The following ZNF18 variants were observed in gnomAD, a reference collection of about 807,000 sequenced individuals.
ZNF18 encodes the protein zinc finger protein 18.
ZNF18 carries 42 observed loss-of-function variants against 58.1 expected under a neutral mutation model. That is an observed-to-expected ratio of 0.72 (90% CI 0.56 to 0.93). ZNF18 has a LOEUF of 0.93. Among genes scored for constraint, ZNF18 ranks in the 40% least tolerant of loss-of-function variants. The pLI is 0.00. For synonymous variants in ZNF18, 231 were observed against 239.8 expected, an observed-to-expected ratio of 0.96 and a Z score of 0.34; for missense variants, 540 against 644.2, an observed-to-expected ratio of 0.84 and a Z score of 1.75.
chr17:11,992,010 C>A (rs767806082), intron 2 of ZNF18, among the ~76,000 whole-genome samples: 21 of 152,200 alleles, frequency 1.4e-4, no homozygotes, highest in Non-Finnish European at 3.1e-4. Flanking sequence ...CTCTTTCCCC[C>A]ACACCTTGCT....
intron 1 of ZNF18, among the ~76,000 whole-genome samples, 186 bp from the exon 2 acceptor site, chr17:11,993,097 G>C (rs1338137373): frequency 6.6e-6 from 1 of 152,162 alleles, no homozygotes; most frequent in Non-Finnish European, 1.5e-5. Context: ...TACTGATACT[G>C]TATCTAAACA....
chr17:11,993,867 A>C (rs1028580420), intron 1 of ZNF18, among the ~76,000 whole-genome samples: 3 of 150,734 alleles, frequency 2.0e-5, no homozygotes, highest in East Asian at 2.0e-4. Context: ...GAGAAGACTA[A>C]CTACCTTGAA....
chr17:12,010,888 A>G, the ZNF18 span: 2 of 515,142 alleles, frequency 3.9e-6, no homozygotes, highest in Non-Finnish European at 3.5e-6. Context: ...TTTTCTGATA[A>G]TTTTCCTTCA....
At chr17:11,991,294 T>C in intron 2 of ZNF18, 131 bp from the exon 3 acceptor site, 1 of 866,318 alleles carries the variant, frequency 1.2e-6, no homozygotes. Flanking sequence ...AAACCAGCTT[T>C]TATTTCTAGT....
At chr17:11,981,447 G>A (rs1967340547) in intron 6 of ZNF18, among the ~76,000 whole-genome samples, 1 of 149,292 alleles carries the variant, frequency 6.7e-6, no homozygotes, top group African/African-American at 2.5e-5. Flanking sequence ...AGCCTCCCAA[G>A]TAGCTGGGAT....
chr17:12,013,770 T>G, the ZNF18 span, among the ~76,000 whole-genome samples: 16 of 152,244 alleles, frequency 1.1e-4, no homozygotes, highest in South Asian at 4.1e-4. Flanking sequence ...ATTTCCTATG[T>G]GTCTAACAAT....
the ZNF18 span, among the ~76,000 whole-genome samples, chr17:12,003,887 T>C: frequency 1.3e-5 from 2 of 152,200 alleles, no homozygotes; most frequent in Non-Finnish European, 2.9e-5. Context: ...AGTCAGGATA[T>C]AGAAGGTGCC....
chr17:12,015,870 C>A, the ZNF18 span, among the ~76,000 whole-genome samples: 1 of 152,062 alleles, frequency 6.6e-6, no homozygotes, highest in African/African-American at 2.4e-5. Context: ...CTCACTGCAA[C>A]CCCTGGCTCC....
intron 4 of ZNF18, 88 bp downstream of exon 4, chr17:11,990,374 G>A (rs78527638): frequency 3.5e-6 from 4 of 1,157,916 alleles, no homozygotes; most frequent in Non-Finnish European, 4.9e-6. Flanking sequence ...GGTTTCCTCA[G>A]GATGGAGAAT....
At chr17:11,983,473 T>C (rs1339462860) in intron 5 of ZNF18, 66 bp from the exon 6 acceptor site, 1 of 1,291,780 alleles carries the variant, frequency 7.7e-7, no homozygotes, top group Admixed American at 1.7e-5. Context: ...AAGCTGTGTC[T>C]TTCAAAGGAG....
At chr17:12,021,111 C>G in the ZNF18 span, 30 of 580,420 alleles carry the variant, frequency 5.2e-5, no homozygotes, top group East Asian at 1.0e-3. Flanking sequence ...CCACGGCAGC[C>G]GCCGGCTTCT....
At chr17:11,981,049 G>A (rs776738908) in intron 6 of ZNF18, among the ~76,000 whole-genome samples, 5 of 152,048 alleles carry the variant, frequency 3.3e-5, no homozygotes, top group Non-Finnish European at 5.9e-5. Flanking sequence ...CTTCCATATG[G>A]TCAACTATAA....
At chr17:11,985,486 T>C (rs1222364752) in intron 4 of ZNF18, among the ~76,000 whole-genome samples, 2 of 152,250 alleles carry the variant, frequency 1.3e-5, no homozygotes, top group Non-Finnish European at 2.9e-5. Context: ...AGATAAATAA[T>C]GCAAGTGTCA....
chr17:11,984,084 C>A, intron 5 of ZNF18, 29 bp downstream of exon 5: 1 of 1,590,804 alleles, frequency 6.3e-7, no homozygotes. Context: ...CCTTCTACCT[C>A]CTTCCATCAG....
intron 4 of ZNF18, among the ~76,000 whole-genome samples, chr17:11,986,097 C>A (rs1362937722): frequency 6.6e-6 from 1 of 152,196 alleles, no homozygotes; most frequent in African/African-American, 2.4e-5. Context: ...CTGTGCTGTT[C>A]TCATCATAGT....
the ZNF18 span, among the ~76,000 whole-genome samples, chr17:12,006,121 G>A: frequency 3.3e-5 from 5 of 152,170 alleles, no homozygotes; most frequent in African/African-American, 1.2e-4. Flanking sequence ...GCACTGATCT[G>A]TGAGTGGCAT....
rs747154566 is a variant in ZNF18, at chr17:11,983,309, G to C, written c.850C>G (p.Pro284Ala). The C allele has an allele frequency of 1.9e-6, 3 of 1,612,606 alleles. No homozygotes were observed. The South Asian group carries it at 3.3e-5, about 18-fold the overall frequency. The change falls in exon 6 of 7, where the codon CCC becomes GCC. Residue 284 changes from proline (P) to alanine (A), a missense_variant. Transcript: ENST00000580306. ...AAAGATTACTCACCTATGCAGGTGG[G>C]TCTTGGGATCTTCTCATTGACATGA... ...YLHVNEKIPR[P>A]TCIGDRQEND... is the part of the protein sequence containing the mutation.
At chr17:12,005,400 A>T in the ZNF18 span, among the ~76,000 whole-genome samples, 2 of 152,190 alleles carry the variant, frequency 1.3e-5, no homozygotes, top group Non-Finnish European at 2.9e-5. Context: ...ATCGGTAAAA[A>T]TTATGAAAAT....
Position 11,992,531 on chromosome 17 carries a change from C to T in ZNF18, c.299G>A (p.Trp100Ter), listed in dbSNP as rs756480819. 1 of 1,614,216 alleles carries T rather than the reference C, an allele frequency of 6.2e-7. No homozygotes were observed. The highest frequency in any genetic ancestry group is 8.5e-7 in the Non-Finnish European group (1 of 1,180,048). The change falls in exon 2 of 7, where the codon TGG (tryptophan) becomes TAG (stop). Residue 100 changes from tryptophan (W) to a stop codon, truncating the protein, a stop_gained. Transcript: ENST00000580306. LOFTEE classifies it high-confidence loss of function. ...ACTTCCTGGACACTGTTTCCGCACC[C>T]ACATCTGGATCTCCCCAGGCAGGAT... ...LTILPGEIQM[W>*]VRKQCPGSGE...
Sources: allele counts gnomAD v4.1 joint callset (sites outside exome capture counted in the v4.1 genomes callset), GRCh38; gene constraint gnomAD v4.1.1; transcripts MANE v1.5; gene names NCBI Gene and HGNC (gene_info 2026-07-23, HGNC 2026-07-21).